Variants in ZMPSTE24 observed in about 807,000 individuals in gnomAD.
ZMPSTE24 encodes CAAX prenyl protease 1 homolog.
In ZMPSTE24, 48 loss-of-function variants were observed where a neutral mutation model predicts 56.7. The ratio of observed to expected loss-of-function variants is 0.85; its 90% CI spans 0.67 to 1.08. The LOEUF is 1.08. Ranked by LOEUF, ZMPSTE24 falls within the 50% of genes least tolerant of loss-of-function variation. The probability of loss-of-function intolerance (pLI) is 0.00; values close to 1 mark genes in which losing one functional copy is unlikely to be tolerated. For missense variants in ZMPSTE24, 503 were observed against 548.7 expected, an observed-to-expected ratio of 0.92 and a Z score of 0.83; for synonymous variants, 172 against 195.2, an observed-to-expected ratio of 0.88 and a Z score of 0.99.
chr1:40,263,993 A>G (rs919505096), intron 2 of ZMPSTE24, among the ~76,000 whole-genome samples: 1 of 152,128 alleles, frequency 6.6e-6, no homozygotes, highest in African/African-American at 2.4e-5. Flanking sequence ...GCATGTTTCT[A>G]TGTGAGCAGT....
chr1:40,289,071 G>C (rs533931124), intron 8 of ZMPSTE24, among the ~76,000 whole-genome samples: 1 of 152,244 alleles, frequency 6.6e-6, no homozygotes, highest in African/African-American at 2.4e-5. Context: ...CTCTGATTTT[G>C]TTCCTGTTCA....
chr1:40,274,503 C>T (rs1643649074), intron 6 of ZMPSTE24, among the ~76,000 whole-genome samples: 1 of 152,118 alleles, frequency 6.6e-6, no homozygotes, highest in Admixed American at 6.6e-5. Flanking sequence ...AGGGAGGAGC[C>T]GCCCATTTGA....
At chr1:40,292,381 A>T in intron 9 of ZMPSTE24, 64 bp from the exon 10 acceptor site, 3 of 1,515,802 alleles carry the variant, frequency 2.0e-6, no homozygotes, top group Non-Finnish European at 2.7e-6. Flanking sequence ...GTCTCAGCTC[A>T]TGGAACCTTT....
chr1:40,273,627 A>G (rs1309779119), intron 6 of ZMPSTE24, among the ~76,000 whole-genome samples: 1 of 140,274 alleles, frequency 7.1e-6, no homozygotes, highest in Admixed American at 7.3e-5. Flanking sequence ...CGATTGGAGT[A>G]GCTTAAAAGT....
At chr1:40,280,340 A>G (rs1643715714) in intron 6 of ZMPSTE24, among the ~76,000 whole-genome samples, 1 of 152,122 alleles carries the variant, frequency 6.6e-6, no homozygotes, top group African/African-American at 2.4e-5. Flanking sequence ...TCCTGGGCCA[A>G]ATGCGTTGTT....
chr1:40,284,087 C>A (rs1378283579), intron 7 of ZMPSTE24, among the ~76,000 whole-genome samples: 3 of 148,552 alleles, frequency 2.0e-5, no homozygotes, highest in Non-Finnish European at 3.0e-5. Context: ...AGGTGTGCAC[C>A]AGCATGCCCA....
chr1:40,267,557 G>A (rs1303646281), intron 2 of ZMPSTE24, among the ~76,000 whole-genome samples: 1 of 147,804 alleles, frequency 6.8e-6, no homozygotes, highest in South Asian at 2.1e-4. Flanking sequence ...TAGAGATGGG[G>A]TCTCAACTCA....
intron 6 of ZMPSTE24, among the ~76,000 whole-genome samples, chr1:40,277,527 C>T (rs141953670): frequency 4.3e-4 from 65 of 152,180 alleles, no homozygotes; most frequent in African/African-American, 1.5e-3. Context: ...GTGATTTTGG[C>T]GTATTCCTTG....
Position 40,258,336 on chromosome 1 carries a change from C to T in ZMPSTE24, c.65C>T (p.Ala22Val), listed in dbSNP as rs766119891. 6.2e-6 allele frequency: 10 copies of T among 1,614,176 alleles called. No individual in the cohort carries two copies. In the South Asian group the frequency reaches 8.8e-5, roughly 14 times the overall value. The change falls in exon 1 of 10, where the codon GCC becomes GTC. Residue 22 changes from alanine (A) to valine (V), a missense_variant. Coordinates refer to ENST00000372759, the MANE Select transcript of ZMPSTE24 (RefSeq NM_005857.5). ...CCGGCCGAGAAGCGTATCTTCGGGG[C>T]CGTGCTGCTCTTTTCCTGGACAGTG... ...EMPAEKRIFG[A>V]VLLFSWTVYL...
chr1:40,292,539 C>A lies in ZMPSTE24; in HGVS notation c.1298C>A (p.Ser433Tyr). The A allele has an allele frequency of 6.2e-7, 1 of 1,614,118 alleles. No individual in the cohort carries two copies. Among genetic ancestry groups the A allele is most frequent in the Non-Finnish European group, 8.5e-7 (1 of 1,180,008 alleles). Reference sequence around the variant, plus strand: ...CTTGGGAAGGCTAAAGACTTATATTCTGCTTTAATCAAACTTAACAAAGAT... The same window carrying A: ...CTTGGGAAGGCTAAAGACTTATATTATGCTTTAATCAAACTTAACAAAGAT... ...KKLGKAKDLY[S>Y]ALIKLNKDNL... Residue 433 changes from serine (S) to tyrosine (Y), a missense_variant, in exon 10 of 10, where the codon TCT (serine) becomes TAT (tyrosine). Physicochemically the swap from Ser to Tyr is moderately radical, Grantham distance 144. Transcript: ENST00000372759.
At chr1:40,288,650 G>T (rs1643809702) in intron 8 of ZMPSTE24, among the ~76,000 whole-genome samples, 1 of 152,208 alleles carries the variant, frequency 6.6e-6, no homozygotes, top group South Asian at 2.1e-4. Context: ...CACAGAGCAG[G>T]TGTCTTCCCC....
At chr1:40,277,565 T>C (rs1237605429) in intron 6 of ZMPSTE24, among the ~76,000 whole-genome samples, 1 of 152,126 alleles carries the variant, frequency 6.6e-6, no homozygotes, top group African/African-American at 2.4e-5. Context: ...CCTGGACCGG[T>C]GGGAGATAGT....
intron 8 of ZMPSTE24, among the ~76,000 whole-genome samples, chr1:40,287,349 A>G (rs963540817): frequency 1.3e-5 from 2 of 152,132 alleles, no homozygotes; most frequent in Non-Finnish European, 2.9e-5. Context: ...GATTACAGGC[A>G]TAAGCCACCG....
intron 8 of ZMPSTE24, among the ~76,000 whole-genome samples, chr1:40,287,425 C>A (rs1173379069): frequency 6.6e-6 from 1 of 152,048 alleles, no homozygotes; most frequent in Non-Finnish European, 1.5e-5. Flanking sequence ...TGCTTGTAAT[C>A]CCGGCACTTT....
In ZMPSTE24 at chr1:40,290,533, T is replaced by A. The variant is rs550102870; in HGVS notation, c.1060-321T>A. The A allele has an allele frequency of 1.7e-4, 39 of 227,650 alleles. 1 individual carries two copies. The highest frequency in any genetic ancestry group is 1.7e-3 in the South Asian group (38 of 22,840). 14.1% of individuals were successfully genotyped at this position (227,650 alleles called of 1,614,324 possible). ...TGGAGTGCAGTGGCGCCATTTCAGCTCACTGCAAGCTCCGCCTCCCGGGTT... is the reference window on the plus strand; with the variant it reads ...TGGAGTGCAGTGGCGCCATTTCAGCACACTGCAAGCTCCGCCTCCCGGGTT... On this transcript the variant is annotated intron_variant, in intron 8 of 9. Coordinates refer to ENST00000372759, the MANE Select transcript of ZMPSTE24 (RefSeq NM_005857.5).
At chr1:40,267,541 T>A (rs1246598344) in intron 2 of ZMPSTE24, among the ~76,000 whole-genome samples, 1 of 151,458 alleles carries the variant, frequency 6.6e-6, no homozygotes, top group Non-Finnish European at 1.5e-5. Flanking sequence ...ATTTTTAAAT[T>A]TTTTGTAGAG....
intron 9 of ZMPSTE24, 105 bp downstream of exon 9, chr1:40,291,102 A>G: frequency 6.9e-7 from 1 of 1,446,082 alleles, no homozygotes; most frequent in Non-Finnish European, 9.4e-7. Context: ...GTTTTAACAA[A>G]TAGATGAAAC....
intron 5 of ZMPSTE24, 38 bp from the exon 6 acceptor site, chr1:40,271,856 G>T: frequency 6.2e-7 from 1 of 1,607,760 alleles, no homozygotes; most frequent in South Asian, 1.1e-5. Context: ...TTTTCTTTAA[G>T]AACATGTTCA....
chr1:40,268,198 T>G (rs1415449780), intron 3 of ZMPSTE24, among the ~76,000 whole-genome samples: 1 of 152,244 alleles, frequency 6.6e-6, no homozygotes, highest in African/African-American at 2.4e-5. Flanking sequence ...AAGGTACCTT[T>G]CATATAGTGC....
Sources: gnomAD v4.1 joint callset for allele counts (sites outside exome capture counted in the v4.1 genomes callset) on GRCh38, gnomAD v4.1.1 for gene constraint, MANE v1.5 for transcripts, NCBI Gene and HGNC (gene_info 2026-07-23, HGNC 2026-07-21) for gene names.